The following SHQ1 variants were observed in gnomAD, a reference collection of about 807,000 sequenced individuals.
SHQ1 encodes the protein protein SHQ1 homolog.
Under a neutral mutation model 53.8 loss-of-function variants are expected in SHQ1, and 49 were observed. The observed-to-expected ratio is 0.91, with a 90% CI of 0.72 to 1.16. The LOEUF (loss-of-function observed/expected upper bound fraction) is 1.16. SHQ1 is among the 50% of genes most tolerant of loss of function. The probability of loss-of-function intolerance (pLI) is 0.00; values close to 1 mark genes in which losing one functional copy is unlikely to be tolerated. For missense variants in SHQ1, 738 were observed against 683.1 expected (o/e 1.08, Z -0.90); for synonymous variants, 243 against 251.0 (o/e 0.97, Z 0.30).
chr3:72,799,676 T>C (rs28465321), intron 9 of SHQ1, among the ~76,000 whole-genome samples: 36,685 of 152,166 alleles, frequency 0.24, 5,514 homozygotes, highest in Middle Eastern at 0.38. Context: ...CTTGAAGCAA[T>C]GAATTACTAT....
chr3:72,736,235 C>T, the SHQ1 span, among the ~76,000 whole-genome samples: 1 of 151,002 alleles, frequency 6.6e-6, no homozygotes, highest in African/African-American at 2.5e-5. Context: ...TCCCAGCTTT[C>T]TGCACAGCCT....
At chr3:72,775,628 C>A (rs1373339054) in intron 10 of SHQ1, among the ~76,000 whole-genome samples, 1 of 151,952 alleles carries the variant, frequency 6.6e-6, no homozygotes, top group African/African-American at 2.4e-5. Context: ...CCATACATAC[C>A]CTCTTCCTGA....
chr3:72,801,372 C>T (rs9822580), intron 9 of SHQ1, among the ~76,000 whole-genome samples: 3,051 of 152,150 alleles, frequency 0.02, 107 homozygotes, highest in African/African-American at 0.071. Context: ...AACAATTACA[C>T]TTCATTTTTT....
intron 9 of SHQ1, among the ~76,000 whole-genome samples, chr3:72,796,121 A>AAAAG (rs1009482899): frequency 2.0e-5 from 3 of 150,928 alleles, no homozygotes; most frequent in Non-Finnish European, 4.4e-5. Context: ...AAAAAAAAAA[A>AAAAG]AAAGAAAGAG....
At chr3:72,725,892 T>G in the SHQ1 span, among the ~76,000 whole-genome samples, 2 of 152,210 alleles carry the variant, frequency 1.3e-5, no homozygotes, top group Admixed American at 1.3e-4. Context: ...GAGAATTTAC[T>G]TAACAAATAC....
intron 8 of SHQ1, among the ~76,000 whole-genome samples, chr3:72,813,824 C>CTT (rs1231001349): frequency 1.6e-5 from 2 of 126,136 alleles, no homozygotes; most frequent in Non-Finnish European, 3.3e-5. Context: ...TTCCTCTCCT[C>CTT]TTTTTCTTTT....
chr3:72,758,007 T>C (rs1290653790), intron 10 of SHQ1, among the ~76,000 whole-genome samples: 1 of 152,242 alleles, frequency 6.6e-6, no homozygotes, highest in Non-Finnish European at 1.5e-5. Context: ...TTTATGATAA[T>C]GACATATCAT....
intron 10 of SHQ1, among the ~76,000 whole-genome samples, chr3:72,764,565 A>T (rs1162333167): frequency 6.6e-6 from 1 of 152,246 alleles, no homozygotes; most frequent in East Asian, 1.9e-4. Context: ...GGAGAATTTT[A>T]AAATACTTTT....
chr3:72,846,002 T>C (rs1158258461), intron 1 of SHQ1, among the ~76,000 whole-genome samples: 1 of 152,216 alleles, frequency 6.6e-6, no homozygotes, highest in Admixed American at 6.5e-5. Flanking sequence ...TAATTATTCT[T>C]CAAGAATCAT....
At chr3:72,795,784 T>C (rs931041360) in intron 9 of SHQ1, among the ~76,000 whole-genome samples, 2 of 152,170 alleles carry the variant, frequency 1.3e-5, no homozygotes, top group African/African-American at 2.4e-5. Flanking sequence ...ATCCCACACT[T>C]TACTAATATA....
chr3:72,786,757 C>T (rs1443886601), intron 10 of SHQ1, among the ~76,000 whole-genome samples: 5 of 152,118 alleles, frequency 3.3e-5, no homozygotes, highest in Non-Finnish European at 7.3e-5. Context: ...CACAGTATTC[C>T]CAGCACCTAT....
intron 4 of SHQ1, among the ~76,000 whole-genome samples, chr3:72,838,326 T>TA (rs1201525484): frequency 5.9e-5 from 9 of 152,336 alleles, no homozygotes; most frequent in Admixed American, 1.3e-4. Context: ...ATAAAACCCT[T>TA]AGAGTTTTCC....
the SHQ1 span, among the ~76,000 whole-genome samples, chr3:72,738,645 A>C: frequency 6.6e-6 from 1 of 152,072 alleles, no homozygotes; most frequent in Non-Finnish European, 1.5e-5. Flanking sequence ...CCTTCCCCCA[A>C]CGAAAGCCAC....
At chr3:72,742,768 G>C in the SHQ1 span, among the ~76,000 whole-genome samples, 3 of 152,038 alleles carry the variant, frequency 2.0e-5, no homozygotes, top group East Asian at 1.9e-4. Flanking sequence ...GGGACTACAG[G>C]CATGCACCAC....
At chr3:72,782,785 T>C (rs1575688806) in intron 10 of SHQ1, among the ~76,000 whole-genome samples, 1 of 152,242 alleles carries the variant, frequency 6.6e-6, no homozygotes, top group African/African-American at 2.4e-5. Context: ...AGAATGCTCT[T>C]GACAAAGCTC....
chr3:72,844,977 G>A (rs1708287956), intron 1 of SHQ1, among the ~76,000 whole-genome samples: 1 of 152,080 alleles, frequency 6.6e-6, no homozygotes, highest in Admixed American at 6.5e-5. Flanking sequence ...CATTATGTAT[G>A]CAAAAATATT....
In SHQ1 at chr3:72,817,384, A is replaced by C; in HGVS notation, c.728T>G (p.Val243Gly). ...SQEQENHATL[V>G]SFSEEEKYQL... is the part of the protein sequence containing the mutation. ...ATACTTCTCTTCTTCAGAAAAAGAC[A>C]CTAGAAGAAAACGCATTTAAAAACT... The change falls in exon 7 of 11, where the codon GTG (valine) becomes GGG (glycine). Residue 243 changes from valine (V) to glycine (G), a missense_variant and splice_region_variant. Transcript: ENST00000325599. The C allele has an allele frequency of 6.2e-7, 1 of 1,603,570 alleles. No individual in the cohort carries two copies.
Position 72,832,505 on chromosome 3 carries a change from A to C in SHQ1, c.487-24T>G, listed in dbSNP as rs571518484. The stretch of plus-strand genomic sequence containing the variant: ...TCCTGAGGACACCCAGAAAAGAAAG[A>C]ATAATTGCTATCTCCTATTTTTAGC... On this transcript the variant is annotated intron_variant, in intron 4 of 10. Transcript: ENST00000325599. The C allele has an allele frequency of 1.9e-5, 29 of 1,488,108 alleles. No individual in the cohort carries two copies. In the South Asian group the frequency reaches 3.5e-4, roughly 18 times the overall value. The allele number at this position is 1,488,108 out of a possible 1,614,324, so 92.2% of individuals were successfully genotyped here.
chr3:72,750,457 T>A lies in SHQ1; in HGVS notation c.1561A>T (p.Ser521Cys). Reference sequence around the variant, plus strand: ...GAAGAGGCAAGTGGCTTTCCCTGACTGGCATCAGACTCCTGGATGGCTGTG... The same window carrying A: ...GAAGAGGCAAGTGGCTTTCCCTGACAGGCATCAGACTCCTGGATGGCTGTG... The part of the protein sequence containing the change: ...RNTAIQESDA[S>C]QGKPLASSWP... The change falls in exon 11 of 11, where the codon AGT becomes TGT. Residue 521 changes from serine (S) to cysteine (C), a missense_variant. Coordinates refer to ENST00000325599, the MANE Select transcript of SHQ1 (RefSeq NM_018130.3). 6.2e-7 allele frequency: 1 copy of A among 1,614,198 alleles called. No homozygotes were observed. Among genetic ancestry groups the A allele is most frequent in the Non-Finnish European group, 8.5e-7 (1 of 1,180,030 alleles).
Sources: allele counts gnomAD v4.1 joint callset (sites outside exome capture counted in the v4.1 genomes callset), GRCh38; gene constraint gnomAD v4.1.1; transcripts MANE v1.5; gene names NCBI Gene and HGNC (gene_info 2026-07-23, HGNC 2026-07-21).